Variants in TRIM37 observed in about 807,000 individuals in gnomAD.
The protein encoded by TRIM37 is E3 ubiquitin-protein ligase TRIM37.
In TRIM37, 80 loss-of-function variants were observed where a neutral mutation model predicts 129.8. That is an observed-to-expected ratio of 0.62 (90% CI 0.51 to 0.74). The LOEUF is 0.74. TRIM37 is among the 30% of genes least tolerant of loss of function. The pLI, the probability that TRIM37 is intolerant of heterozygous loss-of-function variation, is 0.00. For synonymous variants in TRIM37, 389 were observed against 387.1 expected, an observed-to-expected ratio of 1.00 and a Z score of -0.06; for missense variants, 1,054 against 1,176.5, an observed-to-expected ratio of 0.90 and a Z score of 1.52.
In TRIM37 at chr17:58,998,827, C is replaced by A. The variant is rs915387137; in HGVS notation, c.*550G>T. 1 of 989,860 alleles carries A rather than the reference C, an allele frequency of 1.0e-6. No homozygotes were observed. Among genetic ancestry groups the A allele is most frequent in the Non-Finnish European group, 1.2e-6 (1 of 832,648 alleles). The allele number at this position is 989,860 out of a possible 1,614,324, so 61.3% of individuals were successfully genotyped here. A position where few individuals can be genotyped will look rare whatever the true frequency, so the allele number is the denominator to read the frequency against. On this transcript the variant is annotated 3_prime_UTR_variant, in exon 24 of 24. Coordinates refer to ENST00000262294, the MANE Select transcript of TRIM37 (RefSeq NM_015294.6). Reference sequence around the variant, plus strand: ...TTGAACAAGTGAGAGAAGATACATACTCCAAAAAGGAGATTCAGTCTAGTG... The same window carrying A: ...TTGAACAAGTGAGAGAAGATACATAATCCAAAAAGGAGATTCAGTCTAGTG...
chr17:58,983,081 A>C, intron 24 of TRIM37: 3 of 615,010 alleles, frequency 4.9e-6, no homozygotes, highest in South Asian at 2.3e-5. Context: ...GTTACTACAC[A>C]TGCTAGGCTT....
intron 9 of TRIM37, among the ~76,000 whole-genome samples, chr17:59,070,017 T>C (rs1356643567): frequency 2.0e-5 from 3 of 152,204 alleles, no homozygotes; most frequent in Admixed American, 6.5e-5. Flanking sequence ...ACCCAGTATA[T>C]GGTATTTTGT....
chr17:59,040,812 C>T (rs1054287580), intron 17 of TRIM37, among the ~76,000 whole-genome samples: 8 of 150,942 alleles, frequency 5.3e-5, no homozygotes, highest in Non-Finnish European at 7.4e-5. Flanking sequence ...TTTGGGAGGC[C>T]GAGGCGGGTG....
chr17:59,034,931 C>T (rs1371056633), intron 17 of TRIM37, among the ~76,000 whole-genome samples: 1 of 152,088 alleles, frequency 6.6e-6, no homozygotes, highest in South Asian at 2.1e-4. Context: ...ATGGGTTTTG[C>T]CTGTTTTGTA....
At chr17:59,102,228 G>A (rs1288460857) in intron 2 of TRIM37, among the ~76,000 whole-genome samples, 3 of 152,030 alleles carry the variant, frequency 2.0e-5, no homozygotes, top group African/African-American at 4.8e-5. Flanking sequence ...AGTAGAGAAC[G>A]ACAGCAACAA....
chr17:58,971,123 G>A, the TRIM37 span, among the ~76,000 whole-genome samples: 4 of 152,050 alleles, frequency 2.6e-5, no homozygotes, highest in Admixed American at 2.6e-4. Context: ...TAACTGCTGG[G>A]AAGAAAACAG....
chr17:59,070,839 G>C lies in TRIM37; in HGVS notation c.793C>G (p.Pro265Ala). 6.2e-7 allele frequency: 1 copy of C among 1,613,946 alleles called. No individual in the cohort carries two copies. Among genetic ancestry groups the C allele is most frequent in the Non-Finnish European group, 8.5e-7 (1 of 1,179,938 alleles). ...GTGTCATACCTGGTAAAGTCTGGTG[G>C]AACAGGAGTGGTAACAAAAGATGCC... ...PMASFVTTPVPPDFTSELVPS... is the reference protein window; with the variant it reads ...PMASFVTTPVAPDFTSELVPS... The change falls in exon 9 of 24, where the codon CCA (proline) becomes GCA (alanine). Residue 265 changes from proline to alanine, a missense_variant. Transcript: ENST00000262294.
At chr17:59,095,890 T>A (rs1313206238) in intron 2 of TRIM37, among the ~76,000 whole-genome samples, 2 of 152,144 alleles carry the variant, frequency 1.3e-5, no homozygotes, top group Non-Finnish European at 2.9e-5. Flanking sequence ...GCTAATTTTT[T>A]AATTTTTTTT....
intron 18 of TRIM37, among the ~76,000 whole-genome samples, chr17:59,030,617 C>G (rs575592625): frequency 2.0e-5 from 3 of 152,146 alleles, no homozygotes; most frequent in Non-Finnish European, 4.4e-5. Context: ...ACACAGAAAT[C>G]TTACTATTTA....
chr17:59,048,314 A>G lies in TRIM37; in HGVS notation c.1531-495T>C, dbSNP rs138662984. Among the ~76,000 whole-genome samples, 158 of 152,282 alleles carry G rather than the reference A, an allele frequency of 1.0e-3. 1 individual carries two copies. Among genetic ancestry groups the G allele is most frequent in the African/African-American group, 3.6e-3 (150 of 41,556 alleles). ...CTCCATTCCAAACCCTATTATCTCT[A>G]GTTTATCAAAGCACTTAATCTGTGC... On this transcript the variant is annotated intron_variant, in intron 15 of 23. Coordinates refer to ENST00000262294, the MANE Select transcript of TRIM37 (RefSeq NM_015294.6).
chr17:59,025,038 C>T (rs917408091), intron 19 of TRIM37, among the ~76,000 whole-genome samples: 8 of 152,156 alleles, frequency 5.3e-5, no homozygotes, highest in East Asian at 1.9e-4. Context: ...TACCAAATTG[C>T]GTTTTTGTAT....
chr17:59,007,910 G>A (rs2034751341), intron 22 of TRIM37, among the ~76,000 whole-genome samples: 1 of 152,180 alleles, frequency 6.6e-6, no homozygotes, highest in Admixed American at 6.6e-5. Context: ...ACAGTGATAT[G>A]ACACCGAATG....
intron 19 of TRIM37, among the ~76,000 whole-genome samples, chr17:59,020,230 C>CAAAAAAAAAAAAAAAAAAAAA: frequency 3.1e-5 from 1 of 32,044 alleles, no homozygotes; most frequent in Non-Finnish European, 5.1e-5. Context: ...GACTCTGTCT[C>CAAAAAAAAAAAAAAAAAAAAA]AAAAAAAAAA....
chr17:59,043,249 C>G (rs2039446042), intron 16 of TRIM37, among the ~76,000 whole-genome samples: 1 of 151,964 alleles, frequency 6.6e-6, no homozygotes, highest in African/African-American at 2.4e-5. Context: ...AAGCACCCAG[C>G]TTGACAATGT....
At chr17:59,055,714 A>C (rs1482408892) in intron 13 of TRIM37, among the ~76,000 whole-genome samples, 1 of 151,392 alleles carries the variant, frequency 6.6e-6, no homozygotes, top group African/African-American at 2.4e-5. Context: ...AAAAAAGCTA[A>C]ATGATGAGAA....
At chr17:58,967,911 C>G in the TRIM37 span, among the ~76,000 whole-genome samples, 10 of 151,772 alleles carry the variant, frequency 6.6e-5, no homozygotes, top group Non-Finnish European at 1.3e-4. Flanking sequence ...TCAAGAGATT[C>G]TTCTGCCTCA....
chr17:59,042,735 CCTGGACGACAGAGCGAGA>C (rs1249001493), intron 16 of TRIM37, among the ~76,000 whole-genome samples: 1 of 151,354 alleles, frequency 6.6e-6, no homozygotes, highest in Non-Finnish European at 1.5e-5. Flanking sequence ...TGCACTTCAG[CCTGGACGACAGAGCGAGA>C]CTCTGTCTCA....
At position 59,012,429 on chromosome 17, in the gene TRIM37, C is replaced by T. The variant is rs2035405439; in HGVS notation, c.2594G>A (p.Gly865Asp). ...MVTLGANAKG[G>D]HLEGLQMTDL... is the part of the protein sequence containing the mutation. ...AGTCATCTGCAGTCCTTCCAGATGA[C>T]CTCCTTTAGCATTAGCCCTCAAAGA... The change falls in exon 22 of 24, where the codon GGT becomes GAT. Residue 865 changes from glycine to aspartate, a missense_variant. By Grantham distance (94) the Gly-to-Asp change is moderately conservative (BLOSUM62 -1). Around this residue, in one of 3 missense-constraint regions of TRIM37, gnomAD observed 287 missense variants for 274.3 expected, o/e 1.05. Coordinates refer to ENST00000262294, the MANE Select transcript of TRIM37 (RefSeq NM_015294.6). 1 of 1,608,766 alleles carries T rather than the reference C, an allele frequency of 6.2e-7. No homozygotes were observed. The highest frequency in any genetic ancestry group is 1.1e-5 in the South Asian group (1 of 91,042).
chr17:58,967,486 T>C, the TRIM37 span, among the ~76,000 whole-genome samples: 1 of 151,088 alleles, frequency 6.6e-6, no homozygotes, highest in African/African-American at 2.4e-5. Flanking sequence ...CTGATCCTAA[T>C]TTCATTTATA....
Sources: gnomAD v4.1 joint callset for allele counts (sites outside exome capture counted in the v4.1 genomes callset) on GRCh38, gnomAD v4.1.1 for gene constraint, gnomAD v4.1.1 regional missense constraint, MANE v1.5 for transcripts, NCBI Gene and HGNC (gene_info 2026-07-23, HGNC 2026-07-21) for gene names.